FLT3LG: variants seen among roughly 807,000 people sequenced by gnomAD.
FLT3LG encodes fms-related tyrosine kinase 3 ligand.
In FLT3LG, 8 loss-of-function variants were observed where a neutral mutation model predicts 30.9. The ratio of observed to expected loss-of-function variants is 0.26; its 90% confidence interval spans 0.15 to 0.47. FLT3LG has a LOEUF of 0.47. Ranked by LOEUF, FLT3LG falls within the 20% of genes least tolerant of loss-of-function variation. FLT3LG has a pLI of 0.99. For synonymous variants in FLT3LG, 123 were observed against 135.9 expected, an observed-to-expected ratio of 0.91 and a Z score of 0.66; for missense variants, 278 against 306.2, an observed-to-expected ratio of 0.91 and a Z score of 0.69.
Position 49,485,256 on chromosome 19 carries a change from T to TC in FLT3LG, c.*22-759_*22-758insC, listed in dbSNP as rs1417088350. Among the ~76,000 whole-genome samples, 22 of 149,382 alleles carry TC rather than the reference T, an allele frequency of 1.5e-4. No individual in the cohort carries two copies. The East Asian group carries it at 4.3e-3, about 29-fold the overall frequency. On this transcript the variant is annotated intron_variant, in intron 8 of 8. Coordinates refer to ENST00000597551, the MANE Select transcript of FLT3LG (RefSeq NM_001459.4). ...TTCTTTTTCTTTTTTTTCTTTTTTTTTTTTTTTTTGAGATGGGAGTTTCGC... is the reference window on the plus strand; with the variant it reads ...TTCTTTTTCTTTTTTTTCTTTTTTTTCTTTTTTTTTGAGATGGGAGTTTCGC...
At chr19:49,480,510 G>A (rs778350407) in intron 7 of FLT3LG, 34 bp downstream of exon 7, 65 of 1,605,324 alleles carry the variant, frequency 4.0e-5, no homozygotes, top group Middle Eastern at 3.5e-4. Flanking sequence ...TGAGGGGGCC[G>A]AGAGGGTGGC....
intron 8 of FLT3LG, among the ~76,000 whole-genome samples, chr19:49,484,186 CT>C (rs771221361): frequency 2.8e-3 from 375 of 131,986 alleles, no homozygotes; most frequent in Admixed American, 3.0e-3. Flanking sequence ...CCCAGCCTAT[CT>C]TTTTTTTTTT....
intron 6 of FLT3LG, among the ~76,000 whole-genome samples, chr19:49,479,533 G>A (rs2079524961): frequency 9.5e-6 from 1 of 105,646 alleles, no homozygotes. Flanking sequence ...ATGGAGTCTT[G>A]CTCTGTCCCC....
At chr19:49,475,656 A>C (rs1601072064) in intron 2 of FLT3LG, 35 bp from the exon 3 acceptor site, 1 of 1,596,030 alleles carries the variant, frequency 6.3e-7, no homozygotes, top group East Asian at 2.2e-5. Flanking sequence ...TGTGTGGAAC[A>C]GCAGAGGGCT....
At chr19:49,474,848 ATG>A (rs1384558462) in intron 2 of FLT3LG, among the ~76,000 whole-genome samples, 176 bp downstream of exon 2, 7 of 128,158 alleles carry the variant, frequency 5.5e-5, no homozygotes, top group East Asian at 5.2e-4. Context: ...GGAGGGGGAG[ATG>A]GACAGAGGAT....
chr19:49,480,617 C>T lies in FLT3LG; in HGVS notation c.*18C>T. 2 of 1,609,232 alleles carry T rather than the reference C, an allele frequency of 1.2e-6. No homozygotes were observed. Among genetic ancestry groups the T allele is most frequent in the Non-Finnish European group, 1.7e-6 (2 of 1,177,960 alleles). ...AGCACTGACCTGGCCAAGGCCTCATCCTGGTGAGTCCTTCCTGGGCTATGG... is the reference window on the plus strand; with the variant it reads ...AGCACTGACCTGGCCAAGGCCTCATTCTGGTGAGTCCTTCCTGGGCTATGG... On this transcript the variant is annotated 3_prime_UTR_variant, in exon 8 of 9. Coordinates refer to ENST00000597551, the MANE Select transcript of FLT3LG (RefSeq NM_001459.4).
In FLT3LG at chr19:49,476,259, CCGAGG is replaced by C; in HGVS notation, c.198+66_198+70del. 1 of 1,498,144 alleles carries C rather than the reference CCGAGG, an allele frequency of 6.7e-7. No homozygotes were observed. The highest frequency in any genetic ancestry group is 9.3e-7 in the Non-Finnish European group (1 of 1,080,536). The allele number at this position is 1,498,144 out of a possible 1,614,324, so 92.8% of individuals were successfully genotyped here. ...GGGACCACAGACTCAAGATGCTCCA[CCGAGG>C]CGAGTGGATAACCAGGCCCTCCCCT... On this transcript the variant is annotated intron_variant, in intron 4 of 8. Transcript: ENST00000597551. The surrounding 1 kb of genome is among the most constrained non-coding windows in gnomAD (Gnocchi z 5.3).
chr19:49,486,134 T>C lies in FLT3LG; in HGVS notation c.*141T>C, dbSNP rs1236792026. On this transcript the variant is annotated 3_prime_UTR_variant, in exon 9 of 9. Coordinates refer to ENST00000597551, the MANE Select transcript of FLT3LG (RefSeq NM_001459.4). ...GGCCCCTCTCATTCCCTCCCCAGAA[T>C]GGAGGCAACGCCAGAATCCAGCACC... is the stretch of plus-strand genomic sequence containing the variant. 1 of 152,520 alleles carries C rather than the reference T, an allele frequency of 6.6e-6. No homozygotes were observed. Among genetic ancestry groups the C allele is most frequent in the Non-Finnish European group, 1.5e-5 (1 of 68,016 alleles). 9.4% of individuals were successfully genotyped at this position (152,520 alleles called of 1,614,324 possible). A position where few individuals can be genotyped will look rare whatever the true frequency, so the allele number is the denominator to read the frequency against.
Position 49,476,674 on chromosome 19 carries a change from C to T in FLT3LG, c.342+108C>T, listed in dbSNP as rs1464405557. ...GGCGATTTGGACCATAGCCACCCAA[C>T]GAAGGTAGAGCGAGAAGCGCCACCC... On this transcript the variant is annotated intron_variant, in intron 5 of 8. Transcript: ENST00000597551. The surrounding 1 kb of genome is among the most constrained non-coding windows in gnomAD (Gnocchi z 5.3). 7 of 1,480,554 alleles carry T rather than the reference C, an allele frequency of 4.7e-6. No homozygotes were observed. The highest frequency in any genetic ancestry group is 1.8e-4 in the Middle Eastern group (1 of 5,410). 91.7% of individuals were successfully genotyped at this position (1,480,554 alleles called of 1,614,324 possible). A position where few individuals can be genotyped will look rare whatever the true frequency, so the allele number is the denominator to read the frequency against.
intron 5 of FLT3LG, among the ~76,000 whole-genome samples, chr19:49,478,522 C>T (rs575495240): frequency 6.6e-6 from 1 of 150,590 alleles, no homozygotes; most frequent in East Asian, 2.0e-4. Context: ...CCTACAATCC[C>T]AGCACTTTGG....
intron 6 of FLT3LG, among the ~76,000 whole-genome samples, chr19:49,479,256 G>A (rs530514703): frequency 1.3e-5 from 2 of 150,164 alleles, no homozygotes; most frequent in Non-Finnish European, 3.0e-5. Context: ...GTGCAGTGGC[G>A]TGATCTTGGC....
rs926682933 is a variant in FLT3LG at position 49,479,113 on chromosome 19, C to T, written c.481+66C>T. On this transcript the variant is annotated intron_variant, in intron 6 of 8. Transcript: ENST00000597551. Reference sequence around the variant, plus strand: ...CTCACGGCCGCTCCTCCTCTCTGCACAGTGCATCCCAGACCCCATCTTTCT... The same window carrying T: ...CTCACGGCCGCTCCTCCTCTCTGCATAGTGCATCCCAGACCCCATCTTTCT... The T allele has an allele frequency of 2.9e-6, 4 of 1,381,250 alleles. No individual in the cohort carries two copies. In the African/African-American group the frequency reaches 4.4e-5, roughly 15 times the overall value. The allele number at this position is 1,381,250 out of a possible 1,614,324, so 85.6% of individuals were successfully genotyped here. A position where few individuals can be genotyped will look rare whatever the true frequency, so the allele number is the denominator to read the frequency against.
Position 49,479,046 on chromosome 19 carries a change from C to G in FLT3LG, c.480C>G (p.Pro160=). The change falls in exon 6 of 9, where the codon CCC becomes CCG. Residue 160 remains proline (P), a splice_region_variant and synonymous_variant. Transcript: ENST00000597551. ...GGTGCCTGGAGCTGCAGTGTCAGCCCGGTAAAGGCTTCCAGGCACCCCCAC... is the reference window on the plus strand; with the variant it reads ...GGTGCCTGGAGCTGCAGTGTCAGCCGGGTAAAGGCTTCCAGGCACCCCCAC... ...FSRCLELQCQ[P]DSSTLPPPWS... The G allele has an allele frequency of 6.2e-7, 1 of 1,606,120 alleles. No individual in the cohort carries two copies. The highest frequency in any genetic ancestry group is 8.5e-7 in the Non-Finnish European group (1 of 1,176,310).
rs1379436102 is a variant in FLT3LG, at chr19:49,480,395, C to T, written c.579C>T (p.Pro193=). 8 of 1,609,490 alleles carry T rather than the reference C, an allele frequency of 5.0e-6. No individual in the cohort carries two copies. The highest frequency in any genetic ancestry group is 2.0e-4 in the Middle Eastern group (1 of 5,108). The change falls in exon 7 of 9, where the codon CCC becomes CCT. Residue 193 remains proline, a synonymous_variant. Coordinates refer to ENST00000597551, the MANE Select transcript of FLT3LG (RefSeq NM_001459.4). ...QPPLLLLLLL[P]VGLLLLAAAW... ...CTCTGCTCCTCCTACTGCTGCTGCCCGTGGGCCTCCTGCTGCTGGCCGCTG... is the reference window on the plus strand; with the variant it reads ...CTCTGCTCCTCCTACTGCTGCTGCCTGTGGGCCTCCTGCTGCTGGCCGCTG...
rs953868202 is a variant in FLT3LG, at chr19:49,478,083, G to C, written c.343-826G>C. Among the ~76,000 whole-genome samples the C allele has an allele frequency of 1.6e-4, 25 of 151,980 alleles. 1 individual carries two copies. Among genetic ancestry groups the C allele is most frequent in the Admixed American group, 1.4e-3 (21 of 15,236 alleles). On this transcript the variant is annotated intron_variant, in intron 5 of 8. Coordinates refer to ENST00000597551, the MANE Select transcript of FLT3LG (RefSeq NM_001459.4). ...TAATAAAGTAACTTTGGGAGGCCGA[G>C]GCGGGCGAGTCACCTGAGGTCAGGA... is the stretch of plus-strand genomic sequence containing the variant.
chr19:49,483,502 G>C (rs969750879), intron 8 of FLT3LG, among the ~76,000 whole-genome samples: 1 of 152,050 alleles, frequency 6.6e-6, no homozygotes, highest in African/African-American at 2.4e-5. Flanking sequence ...ACATAGTCAA[G>C]TTGTTCAAAA....
rs1367874027 is a variant in FLT3LG, at chr19:49,478,937, A to T, written c.371A>T (p.Gln124Leu). 1 of 1,558,980 alleles carries T rather than the reference A, an allele frequency of 6.4e-7. No homozygotes were observed. The highest frequency in any genetic ancestry group is 8.7e-7 in the Non-Finnish European group (1 of 1,151,526). Residue 124 changes from glutamine to leucine, a missense_variant, in exon 6 of 9, where the codon CAG becomes CTG. Physicochemically the swap from Gln to Leu is moderately radical, Grantham distance 113 (BLOSUM62 -2). Transcript: ENST00000597551. ...CCCCCCAGCTGTCTTCGCTTCGTCC[A>T]GACCAACATCTCCCGCCTCCTGCAG... ...QPPPSCLRFV[Q>L]TNISRLLQET...
intron 2 of FLT3LG, among the ~76,000 whole-genome samples, chr19:49,475,012 G>A (rs1434231718): frequency 8.4e-6 from 1 of 118,546 alleles, no homozygotes; most frequent in Non-Finnish European, 1.7e-5. Flanking sequence ...GAGGGAGGTG[G>A]ACAGGAGGAG....
chr19:49,477,812 C>G (rs2079446127), intron 5 of FLT3LG, among the ~76,000 whole-genome samples: 1 of 152,124 alleles, frequency 6.6e-6, no homozygotes, highest in Non-Finnish European at 1.5e-5. Flanking sequence ...CTTTGGGAGC[C>G]CGAGGCGGGC....
Sources: allele counts gnomAD v4.1 joint callset (sites outside exome capture counted in the v4.1 genomes callset), GRCh38; gene constraint gnomAD v4.1.1; non-coding constraint Gnocchi (gnomAD v3.1); transcripts MANE v1.5; gene names NCBI Gene and HGNC (gene_info 2026-07-23, HGNC 2026-07-21).